Variants in DTX1 observed in about 807,000 individuals in gnomAD.
DTX1 encodes E3 ubiquitin-protein ligase DTX1.
A neutral mutation model predicts 57.8 loss-of-function variants in DTX1; 26 were observed. That is an observed-to-expected ratio of 0.45 (90% CI 0.33 to 0.62). The LOEUF (loss-of-function observed/expected upper bound fraction) is 0.62. Among genes scored for constraint, DTX1 ranks in the 20% least tolerant of loss-of-function variants. The pLI is 0.02. For synonymous variants in DTX1, 398 were observed against 394.1 expected (o/e 1.01, Z -0.12); for missense variants, 704 against 895.3 (o/e 0.79, Z 2.73).
chr12:113,066,387 G>A (rs1238525905), intron 2 of DTX1, among the ~76,000 whole-genome samples: 2 of 152,082 alleles, frequency 1.3e-5, no homozygotes, highest in Non-Finnish European at 2.9e-5. Context: ...AAATTAGTGG[G>A]CATGGTGGTG....
At chr12:113,087,332 C>T (rs988548323) in intron 3 of DTX1, among the ~76,000 whole-genome samples, 6 of 152,128 alleles carry the variant, frequency 3.9e-5, no homozygotes, top group African/African-American at 4.8e-5. Context: ...TCTAGGCAGA[C>T]GGAGGTGCTG....
At chr12:113,059,838 G>A (rs1049021291) in intron 2 of DTX1, among the ~76,000 whole-genome samples, 1 of 152,192 alleles carries the variant, frequency 6.6e-6, no homozygotes, top group East Asian at 1.9e-4. Context: ...TTAAAACTAA[G>A]TAAAATGTAA....
intron 3 of DTX1, among the ~76,000 whole-genome samples, chr12:113,091,804 T>A (rs1474808723): frequency 4.6e-5 from 7 of 152,220 alleles, no homozygotes; most frequent in Non-Finnish European, 1.0e-4. Flanking sequence ...CTTCTCCAGC[T>A]GTCACTGCTC....
At chr12:113,080,613 T>C (rs1592849851) in intron 3 of DTX1, among the ~76,000 whole-genome samples, 2 of 152,124 alleles carry the variant, frequency 1.3e-5, no homozygotes, top group Middle Eastern at 3.4e-3. Flanking sequence ...TGGAATGGAA[T>C]GGAACGGAAT....
Position 113,077,560 on chromosome 12 carries a change from C to T in DTX1, c.396C>T (p.Ala132=). 3 of 1,613,964 alleles carry T rather than the reference C, an allele frequency of 1.9e-6. No individual in the cohort carries two copies. Among genetic ancestry groups the T allele is most frequent in the Non-Finnish European group, 2.5e-6 (3 of 1,179,948 alleles). The change falls in exon 3 of 10, where the codon GCC becomes GCT. Residue 132 remains alanine (A), a synonymous_variant. Transcript: ENST00000548759. The surrounding 1 kb of genome is among the most constrained non-coding windows in gnomAD (Gnocchi z 7.8). ...DMDICITIQN[A]YEKQHPWLDL... ...ACATCTGCATCACCATCCAGAACGCCTACGAGAAGCAGCACCCGTGGCTCG... is the reference window on the plus strand; with the variant it reads ...ACATCTGCATCACCATCCAGAACGCTTACGAGAAGCAGCACCCGTGGCTCG...
rs1592856174 is a variant in DTX1 at position 113,093,967 on chromosome 12, C to T, written c.1166-71C>T. 1 of 1,548,062 alleles carries T rather than the reference C, an allele frequency of 6.5e-7. No homozygotes were observed. ...CTGACCCCTGCCCTCTGACCCCTGA[C>T]CCAGTTCTGAGCCAAGCCTTCGGGG... On this transcript the variant is annotated intron_variant, in intron 5 of 9. Transcript: ENST00000548759. The surrounding 1 kb of genome is among the most constrained non-coding windows in gnomAD (Gnocchi z 4.2).
rs749173378 is a variant in DTX1 at position 113,093,495 on chromosome 12, C to T, written c.1004-44C>T. The stretch of plus-strand genomic sequence containing the variant: ...CAGGGCCAGTGGTCGGGGGTTTGGG[C>T]GGGGATGGCGCCCCGCCCTGTGACT... On this transcript the variant is annotated intron_variant, in intron 4 of 9. Coordinates refer to ENST00000548759, the MANE Select transcript of DTX1 (RefSeq NM_004416.3). The surrounding 1 kb of genome is among the most constrained non-coding windows in gnomAD (Gnocchi z 4.2). 6.0e-6 allele frequency: 9 copies of T among 1,493,578 alleles called. No homozygotes were observed. In the African/African-American group the frequency reaches 7.1e-5, roughly 12 times the overall value. 92.5% of individuals were successfully genotyped at this position (1,493,578 alleles called of 1,614,324 possible). A position where few individuals can be genotyped will look rare whatever the true frequency, so the allele number is the denominator to read the frequency against.
At chr12:113,091,461 G>A (rs1227186592) in intron 3 of DTX1, among the ~76,000 whole-genome samples, 1 of 152,096 alleles carries the variant, frequency 6.6e-6, no homozygotes, top group Non-Finnish European at 1.5e-5. Context: ...GCATGTATCT[G>A]TGATGTACTC....
chr12:113,091,322 G>A (rs968242787), intron 3 of DTX1, among the ~76,000 whole-genome samples: 2 of 152,094 alleles, frequency 1.3e-5, no homozygotes, highest in East Asian at 1.9e-4. Flanking sequence ...TTTGTGGGGG[G>A]CGTGCCCTGA....
At chr12:113,078,334 T>C (rs966298549) in intron 3 of DTX1, among the ~76,000 whole-genome samples, 2 of 152,152 alleles carry the variant, frequency 1.3e-5, no homozygotes, top group African/African-American at 4.8e-5. Flanking sequence ...GTAGGTACCA[T>C]CATCACCTCC....
chr12:113,076,948 T>C (rs1484768825), intron 2 of DTX1, among the ~76,000 whole-genome samples: 1 of 151,266 alleles, frequency 6.6e-6, no homozygotes, highest in Non-Finnish European at 1.5e-5. Flanking sequence ...CCAGGCCCCC[T>C]TTGCCCTCCC....
Position 113,078,049 on chromosome 12 carries a change from C to A in DTX1, c.885C>A (p.Asn295Lys). The change falls in exon 3 of 10, where the codon AAC becomes AAA. Residue 295 changes from asparagine to lysine, a missense_variant. This residue lies in a region of DTX1 where 299 missense variants were observed against 311.2 expected (regional missense o/e 0.96). Transcript: ENST00000548759. ...GARTPGQNNL[N>K]RPGPQRTTSV... is the part of the protein sequence containing the mutation. ...GCACCCCGGGGCAGAACAACCTCAA[C>A]CGGCCCGGGCCCCAGCGCACCACCA... 7.4e-7 allele frequency: 1 copy of A among 1,358,888 alleles called. No homozygotes were observed. The highest frequency in any genetic ancestry group is 9.5e-7 in the Non-Finnish European group (1 of 1,053,562). 84.2% of individuals were successfully genotyped at this position (1,358,888 alleles called of 1,614,324 possible).
At position 113,097,830 on chromosome 12, in the gene DTX1, G is replaced by A. The variant is rs912894664; in HGVS notation, c.*891G>A. ...ACAGCAGAGAGTCAATTTCCCTTTC[G>A]TTGGGAGTGGGCAGTGGGGTGGCTA... On this transcript the variant is annotated 3_prime_UTR_variant, in exon 10 of 10. Transcript: ENST00000548759. The A allele has an allele frequency of 2.0e-5, 3 of 152,708 alleles. No individual in the cohort carries two copies. Among genetic ancestry groups the A allele is most frequent in the Non-Finnish European group, 2.9e-5 (2 of 68,070 alleles). The allele number at this position is 152,708 out of a possible 1,614,324, so 9.5% of individuals were successfully genotyped here. A position where few individuals can be genotyped will look rare whatever the true frequency, so the allele number is the denominator to read the frequency against.
chr12:113,088,588 C>T lies in DTX1; in HGVS notation c.942-4574C>T, dbSNP rs561094859. On this transcript the variant is annotated intron_variant, in intron 3 of 9. Coordinates refer to ENST00000548759, the MANE Select transcript of DTX1 (RefSeq NM_004416.3). ...CAAACCTGCACGTTGTGCACATGTA[C>T]CCTAGAACTTAAAGTATAATTTTAA... Among the ~76,000 whole-genome samples, 3 of 152,252 alleles carry T rather than the reference C, an allele frequency of 2.0e-5. No individual in the cohort carries two copies. In the South Asian group the frequency reaches 6.2e-4, roughly 32 times the overall value.
chr12:113,077,364 C>T lies in DTX1; in HGVS notation c.260-60C>T. The stretch of plus-strand genomic sequence containing the variant: ...CACCCTTGCCTGGCTGTGGCCCGCC[C>T]TTCCAGCCGCGCAGACCAACGCCCG... On this transcript the variant is annotated intron_variant, in intron 2 of 9. Coordinates refer to ENST00000548759, the MANE Select transcript of DTX1 (RefSeq NM_004416.3). This position sits in a 1 kb window ranked among gnomAD's most constrained non-coding sequence, Gnocchi z 7.8. 6.5e-7 allele frequency: 1 copy of T among 1,529,702 alleles called. No individual in the cohort carries two copies. Among genetic ancestry groups the T allele is most frequent in the Non-Finnish European group, 8.7e-7 (1 of 1,145,776 alleles). The allele number at this position is 1,529,702 out of a possible 1,614,324, so 94.8% of individuals were successfully genotyped here.
rs1462812094 is a variant in DTX1, at chr12:113,077,644, C to T, written c.480C>T (p.Asn160=). The T allele has an allele frequency of 6.2e-7, 1 of 1,603,370 alleles. No homozygotes were observed. The highest frequency in any genetic ancestry group is 8.5e-7 in the Non-Finnish European group (1 of 1,176,516). ...ACTTCAACAGCATGTCGCAGATGAA[C>T]CGCCAGACGCGCCGGCGCCGCCGCC... The part of the protein sequence containing the change: ...LIYFNSMSQM[N]RQTRRRRRLR... Residue 160 remains asparagine (N), a synonymous_variant, in exon 3 of 10, where the codon AAC becomes AAT. Transcript: ENST00000548759. This position sits in a 1 kb window ranked among gnomAD's most constrained non-coding sequence, Gnocchi z 7.8.
rs746035722 is a variant in DTX1, at chr12:113,077,608, C to T, written c.444C>T (p.Cys148=). The part of the protein sequence containing the change: ...PWLDLSSLGF[C]YLIYFNSMSQ... ...TCGACCTCTCATCGCTAGGCTTCTG[C>T]TACCTCATCTACTTCAACAGCATGT... is the stretch of plus-strand genomic sequence containing the variant. Residue 148 remains cysteine, a synonymous_variant, in exon 3 of 10, where the codon TGC becomes TGT. Coordinates refer to ENST00000548759, the MANE Select transcript of DTX1 (RefSeq NM_004416.3). This position sits in a 1 kb window ranked among gnomAD's most constrained non-coding sequence, Gnocchi z 7.8. The T allele has an allele frequency of 6.2e-7, 1 of 1,613,144 alleles. No individual in the cohort carries two copies. Among genetic ancestry groups the T allele is most frequent in the Non-Finnish European group, 8.5e-7 (1 of 1,179,826 alleles).
chr12:113,086,969 CCA>C (rs2044863976), intron 3 of DTX1, among the ~76,000 whole-genome samples: 1 of 150,538 alleles, frequency 6.6e-6, no homozygotes, highest in African/African-American at 2.4e-5. Flanking sequence ...GGAGACCAAA[CCA>C]CACACACTCC....
intron 2 of DTX1, among the ~76,000 whole-genome samples, chr12:113,066,267 A>G (rs1342685587): frequency 1.3e-5 from 2 of 152,014 alleles, no homozygotes; most frequent in African/African-American, 2.4e-5. Flanking sequence ...GGTGGCTCAC[A>G]TCTATAATCC....
Sources: allele counts gnomAD v4.1 joint callset (sites outside exome capture counted in the v4.1 genomes callset), GRCh38; gene constraint gnomAD v4.1.1; regional missense constraint gnomAD v4.1.1; non-coding constraint Gnocchi (gnomAD v3.1); transcripts MANE v1.5; gene names NCBI Gene and HGNC (gene_info 2026-07-23, HGNC 2026-07-21).